The following HECTD4 variants were observed in gnomAD, a reference collection of about 807,000 sequenced individuals.
HECTD4 encodes HECT domain E3 ubiquitin protein ligase 4.
A neutral mutation model predicts 471.5 loss-of-function variants in HECTD4; 114 were observed. That is an observed-to-expected ratio of 0.24 (90% CI 0.21 to 0.28). The LOEUF is 0.28. Ranked by LOEUF, HECTD4 falls within the 10% of genes least tolerant of loss-of-function variation. HECTD4 has a pLI of 1.00. For synonymous variants in HECTD4, 2,012 were observed against 2,256.0 expected (o/e 0.89, Z 3.07); for missense variants, 3,866 against 5,651.5 (o/e 0.68, Z 10.13).
chr12:112,178,084 T>C (rs1174817363), intron 64 of HECTD4, among the ~76,000 whole-genome samples: 2 of 152,162 alleles, frequency 1.3e-5, no homozygotes, highest in East Asian at 3.9e-4. Flanking sequence ...TTCTTTTTCT[T>C]TTTTTTGAGA....
At chr12:112,308,284 A>G (rs1246588128) in intron 6 of HECTD4, among the ~76,000 whole-genome samples, 3 of 152,224 alleles carry the variant, frequency 2.0e-5, no homozygotes, top group African/African-American at 7.2e-5. Context: ...CAGAGTGCTT[A>G]CGAGAGCACT....
rs1007370883 is a variant in HECTD4, at chr12:112,173,538, T to C, written c.11595-677A>G. ...CTGACTAGCTAGGACTACAGGCGCC[T>C]GCCACCACACCTGGCTAATTTTTTT... is the stretch of plus-strand genomic sequence containing the variant. On this transcript the variant is annotated intron_variant, in intron 66 of 75. Coordinates refer to ENST00000682272, the MANE Select transcript of HECTD4 (RefSeq NM_001388303.1). The surrounding 1 kb of genome is among the most constrained non-coding windows in gnomAD (Gnocchi z 4.3). 2.6e-5 allele frequency among the ~76,000 whole-genome samples: 4 copies of C among 151,826 alleles called. No homozygotes were observed. The highest frequency in any genetic ancestry group is 4.8e-5 in the African/African-American group (2 of 41,324).
rs773710742 is a variant in HECTD4, at chr12:112,258,550, C to A, written c.3074G>T (p.Gly1025Val). The change falls in exon 20 of 76, where the codon GGC becomes GTC. Residue 1025 changes from glycine to valine, a missense_variant. This residue lies in a region of HECTD4 where 525 missense variants were observed against 672.6 expected (regional missense o/e 0.78). Transcript: ENST00000682272. ...GTCTGGTGCACCACACGGGGAACAG[C>A]CCACCTCAGCAAAAACCGGACACTG... is the stretch of plus-strand genomic sequence containing the variant. ...KTQCPVFAEV[G>V]CSPCGAPDQK... The A allele has an allele frequency of 6.2e-7, 1 of 1,605,782 alleles. No individual in the cohort carries two copies. Among genetic ancestry groups the A allele is most frequent in the Non-Finnish European group, 8.5e-7 (1 of 1,176,712 alleles).
chr12:112,230,831 G>C lies in HECTD4; in HGVS notation c.6201-9C>G. ...GACGCACAGGATCAGTCCTGCAAGT[G>C]TCAACAGGAAAAAGTGTCAGTGCCC... On this transcript the variant is annotated splice_polypyrimidine_tract_variant and intron_variant, in intron 39 of 75. Coordinates refer to ENST00000682272, the MANE Select transcript of HECTD4 (RefSeq NM_001388303.1). The C allele has an allele frequency of 1.2e-6, 2 of 1,606,078 alleles. No homozygotes were observed. The highest frequency in any genetic ancestry group is 8.5e-7 in the Non-Finnish European group (1 of 1,176,114).
At chr12:112,327,673 C>T (rs1216080026) in intron 1 of HECTD4, among the ~76,000 whole-genome samples, 1 of 152,180 alleles carries the variant, frequency 6.6e-6, no homozygotes, top group East Asian at 1.9e-4. Context: ...ATAACTAGCA[C>T]TGATAATTTT....
intron 6 of HECTD4, among the ~76,000 whole-genome samples, chr12:112,308,364 C>A (rs1483461561): frequency 6.7e-6 from 1 of 149,292 alleles, no homozygotes; most frequent in Non-Finnish European, 1.5e-5. Flanking sequence ...CCCTTTCCCA[C>A]AGAGAGGCTG....
chr12:112,170,358 G>A lies in HECTD4; in HGVS notation c.12027C>T (p.Thr4009=), dbSNP rs750151025. ...RTADHAAPEI[T]LDPLEIVGGE... is the part of the protein sequence containing the mutation. The stretch of plus-strand genomic sequence containing the variant: ...CTCCCACAATTTCCAGTGGGTCCAA[G>A]GTGATCTCAGGGGCCGCGTGGTCCG... Residue 4009 remains threonine, a synonymous_variant, in exon 69 of 76, where the codon ACC becomes ACT. Coordinates refer to ENST00000682272, the MANE Select transcript of HECTD4 (RefSeq NM_001388303.1). The A allele has an allele frequency of 6.2e-7, 1 of 1,613,984 alleles. No individual in the cohort carries two copies. Among genetic ancestry groups the A allele is most frequent in the South Asian group, 1.1e-5 (1 of 91,086 alleles).
At chr12:112,221,008 A>G (rs1486614340) in intron 44 of HECTD4, among the ~76,000 whole-genome samples, 1 of 151,780 alleles carries the variant, frequency 6.6e-6, no homozygotes, top group Non-Finnish European at 1.5e-5. Flanking sequence ...CTGGAGTGCA[A>G]TGGCGCAATC....
At chr12:112,301,014 A>T (rs1345223676) in intron 7 of HECTD4, among the ~76,000 whole-genome samples, 1 of 151,834 alleles carries the variant, frequency 6.6e-6, no homozygotes, top group African/African-American at 2.4e-5. Context: ...CCTCCCGAGT[A>T]GCTGGGACTA....
intron 34 of HECTD4, among the ~76,000 whole-genome samples, chr12:112,237,515 GTTTCCTGAAC>G (rs2033540443): frequency 6.6e-6 from 1 of 152,144 alleles, no homozygotes; most frequent in Non-Finnish European, 1.5e-5. Flanking sequence ...AGTATTTGTT[GTTTCCTGAAC>G]TTTCCATGCT....
intron 7 of HECTD4, among the ~76,000 whole-genome samples, chr12:112,285,207 A>G (rs941337202): frequency 6.6e-6 from 1 of 152,134 alleles, no homozygotes; most frequent in Non-Finnish European, 1.5e-5. Context: ...GAGTGAAGCC[A>G]GCACAGTCCC....
At chr12:112,339,580 A>T (rs1293992445) in intron 1 of HECTD4, among the ~76,000 whole-genome samples, 1 of 152,030 alleles carries the variant, frequency 6.6e-6, no homozygotes, top group East Asian at 1.9e-4. Flanking sequence ...CAGGAAAATA[A>T]GGGGTGTGTG....
chr12:112,256,342 G>A lies in HECTD4; in HGVS notation c.3305C>T (p.Ser1102Phe). The A allele has an allele frequency of 1.2e-6, 2 of 1,605,338 alleles. No individual in the cohort carries two copies. Among genetic ancestry groups the A allele is most frequent in the Non-Finnish European group, 1.7e-6 (2 of 1,176,642 alleles). ...CLYLRFDSRC[S>F]SQYDYDKLVI... is the part of the protein sequence containing the mutation. ...TACTTTGTCATAGTCATATTGCGAA[G>A]AGCATCTGCTATCAAATCTAAGGTA... The change falls in exon 21 of 76, where the codon TCT becomes TTT. Residue 1102 changes from serine (S) to phenylalanine (F), a missense_variant. Ser to Phe is a radical substitution (Grantham distance 155, BLOSUM62 -2). Around this residue, in one of 16 missense-constraint regions of HECTD4, gnomAD observed 281 missense variants for 499.9 expected, o/e 0.56. Transcript: ENST00000682272.
chr12:112,180,337 A>G (rs945159300), intron 62 of HECTD4, among the ~76,000 whole-genome samples: 1 of 152,148 alleles, frequency 6.6e-6, no homozygotes, highest in African/African-American at 2.4e-5. Context: ...CACATGAGGT[A>G]AGGAGTTCAA....
chr12:112,210,278 T>G (rs770494653), intron 49 of HECTD4, 26 bp from the exon 50 acceptor site: 15 of 1,604,550 alleles, frequency 9.3e-6, no homozygotes, highest in Non-Finnish European at 1.1e-5. Context: ...AATGAAGGAT[T>G]TGGAAAGACT....
At chr12:112,272,603 A>G (rs1395629300) in intron 11 of HECTD4, among the ~76,000 whole-genome samples, 2 of 152,208 alleles carry the variant, frequency 1.3e-5, no homozygotes, top group Admixed American at 1.3e-4. Flanking sequence ...ACTCATGTTT[A>G]GCCAGAATTG....
chr12:112,228,581 C>T lies in HECTD4; in HGVS notation c.6684+66G>A. On this transcript the variant is annotated intron_variant, in intron 42 of 75. Transcript: ENST00000682272. The surrounding 1 kb of genome is among the most constrained non-coding windows in gnomAD (Gnocchi z 4.9). ...TTTGTGCTTCTGCACTGAGCATGTG[C>T]ATAGACTCATTACAGTACAGTTACC... The T allele has an allele frequency of 3.6e-6, 5 of 1,401,066 alleles. No homozygotes were observed. Among genetic ancestry groups the T allele is most frequent in the Non-Finnish European group, 4.9e-6 (5 of 1,024,618 alleles). 86.8% of individuals were successfully genotyped at this position (1,401,066 alleles called of 1,614,324 possible).
chr12:112,250,818 A>G (rs771259371), intron 24 of HECTD4, among the ~76,000 whole-genome samples, 153 bp downstream of exon 24: 42 of 152,222 alleles, frequency 2.8e-4, no homozygotes, highest in Non-Finnish European at 3.8e-4. Context: ...ACTATGGTGT[A>G]ATTTTCATCT....
chr12:112,164,279 G>A lies in HECTD4; in HGVS notation c.12535-4C>T. On this transcript the variant is annotated splice_polypyrimidine_tract_variant and splice_region_variant and intron_variant, in intron 72 of 75. Transcript: ENST00000682272. ...CCAGCTCGGTCTCATCATTGATCTG[G>A]AGGGTGGAGGCAGAGCGAGGCTCAT... 12 of 1,610,310 alleles carry A rather than the reference G, an allele frequency of 7.5e-6. No homozygotes were observed. Among genetic ancestry groups the A allele is most frequent in the Non-Finnish European group, 7.6e-6 (9 of 1,177,494 alleles).
Sources: allele counts gnomAD v4.1 joint callset (sites outside exome capture counted in the v4.1 genomes callset), GRCh38; gene constraint gnomAD v4.1.1; regional missense constraint gnomAD v4.1.1; non-coding constraint Gnocchi (gnomAD v3.1); transcripts MANE v1.5; gene names NCBI Gene and HGNC (gene_info 2026-07-23, HGNC 2026-07-21).